Variants in RANBP2 observed in about 807,000 individuals in gnomAD.
The protein encoded by RANBP2 is E3 SUMO-protein ligase RanBP2.
Under a neutral mutation model 303.6 loss-of-function variants are expected in RANBP2, and 57 were observed. That is an observed-to-expected ratio of 0.19 (90% confidence interval 0.15 to 0.23). The LOEUF is 0.23. RANBP2 is among the 10% of genes least tolerant of loss of function. The pLI, the probability that RANBP2 is intolerant of heterozygous loss-of-function variation, is 1.00. For synonymous variants in RANBP2, 1,167 were observed against 1,301.5 expected, an observed-to-expected ratio of 0.90 and a Z score of 2.23; for missense variants, 3,138 against 3,780.8, an observed-to-expected ratio of 0.83 and a Z score of 4.46.
At chr2:109,564,934 T>C in the RANBP2 span, among the ~76,000 whole-genome samples, 14 of 152,212 alleles carry the variant, frequency 9.2e-5, no homozygotes, top group Non-Finnish European at 1.8e-4. Context: ...AACTTCAAAG[T>C]AGTAAATTCT....
chr2:109,496,010 G>A, the RANBP2 span, among the ~76,000 whole-genome samples: 1 of 152,218 alleles, frequency 6.6e-6, no homozygotes, highest in African/African-American at 2.4e-5. Flanking sequence ...GACCTTCGCG[G>A]TGAAGAGCAA....
rs1677203447 is a variant in RANBP2, at chr2:108,767,564, A to G, written c.7025A>G (p.Tyr2342Cys). Residue 2342 changes from tyrosine (Y) to cysteine (C), a missense_variant, in exon 20 of 29, where the codon TAT becomes TGT. This residue lies in a region of RANBP2 where 92 missense variants were observed against 211.0 expected (regional missense o/e 0.44). Coordinates refer to ENST00000283195, the MANE Select transcript of RANBP2 (RefSeq NM_006267.5). Reference sequence around the variant, plus strand: ...AGTCACAGGGCAAAACTCTACAGATATGATAAAGATGTTGGTCAATGGAAA... The same window carrying G: ...AGTCACAGGGCAAAACTCTACAGATGTGATAAAGATGTTGGTCAATGGAAA... ...VFSHRAKLYR[Y>C]DKDVGQWKER... 6.2e-7 allele frequency: 1 copy of G among 1,612,020 alleles called. No individual in the cohort carries two copies. Among genetic ancestry groups the G allele is most frequent in the Non-Finnish European group, 8.5e-7 (1 of 1,179,860 alleles).
chr2:109,234,422 C>G, the RANBP2 span, among the ~76,000 whole-genome samples: 4 of 152,184 alleles, frequency 2.6e-5, no homozygotes, highest in Non-Finnish European at 5.9e-5. Flanking sequence ...TTTTTGACCA[C>G]GAATGTCTCA....
the RANBP2 span, among the ~76,000 whole-genome samples, chr2:109,146,906 C>A: frequency 9.0e-6 from 1 of 110,714 alleles, no homozygotes; most frequent in African/African-American, 3.4e-5. Flanking sequence ...CCCCCCGCCC[C>A]AATATCCTAT....
At chr2:109,199,919 A>G in the RANBP2 span, among the ~76,000 whole-genome samples, 1 of 85,874 alleles carries the variant, frequency 1.2e-5, no homozygotes, top group African/African-American at 4.7e-5. Flanking sequence ...CCTTCAGTCT[A>G]TAGCACCCGC....
chr2:109,472,271 C>T, the RANBP2 span, among the ~76,000 whole-genome samples: 1 of 151,958 alleles, frequency 6.6e-6, no homozygotes, highest in African/African-American at 2.4e-5. Flanking sequence ...GTCTGGGCTG[C>T]TCCAGGAAGA....
the RANBP2 span, among the ~76,000 whole-genome samples, chr2:109,553,631 T>A: frequency 1.3e-5 from 2 of 151,436 alleles, no homozygotes; most frequent in African/African-American, 4.9e-5. Context: ...GGTGGGCAGA[T>A]CACCTGAGGT....
chr2:109,017,674 C>A, the RANBP2 span, among the ~76,000 whole-genome samples: 55 of 152,274 alleles, frequency 3.6e-4, 1 homozygote, highest in African/African-American at 1.3e-3. Context: ...ATGGGCAGAG[C>A]TCATGTATGA....
the RANBP2 span, chr2:108,930,893 A>G: frequency 6.5e-7 from 1 of 1,537,492 alleles, no homozygotes; most frequent in Non-Finnish European, 9.0e-7. Flanking sequence ...TTACAGCTGA[A>G]GAGGCCAAGA....
the RANBP2 span, among the ~76,000 whole-genome samples, chr2:109,090,310 T>TCACACACA: frequency 6.4e-5 from 7 of 109,692 alleles, no homozygotes; most frequent in East Asian, 4.8e-4. Flanking sequence ...ACACCTCGCC[T>TCACACACA]CACACACACA....
the RANBP2 span, among the ~76,000 whole-genome samples, chr2:109,073,767 T>C: frequency 6.6e-6 from 1 of 150,664 alleles, no homozygotes; most frequent in Non-Finnish European, 1.5e-5. Flanking sequence ...GATCTACATA[T>C]GCATTATGAG....
chr2:109,410,926 G>A, the RANBP2 span, among the ~76,000 whole-genome samples: 1 of 152,148 alleles, frequency 6.6e-6, no homozygotes, highest in Non-Finnish European at 1.5e-5. Flanking sequence ...TTACTCAAAG[G>A]CACCTGGAGC....
chr2:109,186,404 C>T, the RANBP2 span, among the ~76,000 whole-genome samples: 1 of 152,194 alleles, frequency 6.6e-6, no homozygotes, highest in Non-Finnish European at 1.5e-5. Context: ...GGCGGAGCCT[C>T]GATACGAACC....
chr2:109,451,231 G>T, the RANBP2 span, among the ~76,000 whole-genome samples: 1 of 152,240 alleles, frequency 6.6e-6, no homozygotes, highest in African/African-American at 2.4e-5. Context: ...TCTGTGTTTT[G>T]TGTGTCTGTT....
At chr2:109,420,686 C>A in the RANBP2 span, among the ~76,000 whole-genome samples, 1 of 152,172 alleles carries the variant, frequency 6.6e-6, no homozygotes, top group East Asian at 1.9e-4. Context: ...ATCTCGTGAT[C>A]CGCCCGCCTT....
At chr2:109,724,818 T>C in the RANBP2 span, among the ~76,000 whole-genome samples, 3 of 152,282 alleles carry the variant, frequency 2.0e-5, no homozygotes, top group East Asian at 5.8e-4. Flanking sequence ...AGGGAATGTA[T>C]GGTCTTTACT....
the RANBP2 span, among the ~76,000 whole-genome samples, chr2:109,203,431 G>A: frequency 6.6e-6 from 1 of 152,276 alleles, no homozygotes; most frequent in South Asian, 2.1e-4. Context: ...GTGGTCAGGC[G>A]ATCACTGTAT....
chr2:108,911,041 G>C, the RANBP2 span: 1 of 1,614,040 alleles, frequency 6.2e-7, no homozygotes, highest in East Asian at 2.2e-5. Flanking sequence ...CAATGATCAG[G>C]GCAGTGGCCA....
At chr2:109,619,005 G>A in the RANBP2 span, 6 of 167,032 alleles carry the variant, frequency 3.6e-5, no homozygotes, top group Non-Finnish European at 7.3e-5. Context: ...TCTCTGAATT[G>A]TCTAAGTTTC....
Sources: allele counts gnomAD v4.1 joint callset (sites outside exome capture counted in the v4.1 genomes callset), GRCh38; gene constraint gnomAD v4.1.1; regional missense constraint gnomAD v4.1.1; transcripts MANE v1.5; gene names NCBI Gene and HGNC (gene_info 2026-07-23, HGNC 2026-07-21).